Variants in LHFPL2 observed in about 807,000 individuals in gnomAD.
LHFPL2 encodes LHFPL tetraspan subfamily member 2.
In LHFPL2, 7 loss-of-function variants were observed where a neutral mutation model predicts 17.5. That is an observed-to-expected ratio of 0.40 (90% CI 0.23 to 0.75). The LOEUF is 0.75. Ranked by LOEUF, LHFPL2 falls within the 30% of genes least tolerant of loss-of-function variation. The pLI is 0.37. For missense variants in LHFPL2, 241 were observed against 294.8 expected (o/e 0.82, Z 1.34); for synonymous variants, 134 against 116.2 (o/e 1.15, Z -0.99).
At chr5:78,519,777 C>T (rs1268962546) in intron 3 of LHFPL2, among the ~76,000 whole-genome samples, 2 of 152,270 alleles carry the variant, frequency 1.3e-5, no homozygotes, top group Non-Finnish European at 2.9e-5. Context: ...CTTGACCCGG[C>T]ATAAATGCGA....
chr5:78,607,708 A>AC (rs1279960156), intron 2 of LHFPL2, among the ~76,000 whole-genome samples: 3 of 152,218 alleles, frequency 2.0e-5, no homozygotes, highest in Admixed American at 1.3e-4. Flanking sequence ...AGAAGGCTTT[A>AC]CCTGATAAGA....
At position 78,596,683 on chromosome 5, in the gene LHFPL2, T is replaced by TCC. The variant is rs556153594; in HGVS notation, c.-244-31814_-244-31813dup. Among the ~76,000 whole-genome samples the TCC allele has an allele frequency of 3.3e-3, 509 of 152,130 alleles. 4 individuals are homozygous for TCC. Among genetic ancestry groups the TCC allele is most frequent in the African/African-American group, 0.012 (495 of 41,500 alleles). On this transcript the variant is annotated intron_variant, in intron 2 of 4. Coordinates refer to ENST00000380345, the MANE Select transcript of LHFPL2 (RefSeq NM_005779.3). ...TGAATTATCCAAAAGTCAGGACACC[T>TCC]CCCCGCCATGGTCCCAGAACCCAGC...
chr5:78,579,010 C>T (rs1580824545), intron 2 of LHFPL2, among the ~76,000 whole-genome samples: 1 of 152,130 alleles, frequency 6.6e-6, no homozygotes, highest in South Asian at 2.1e-4. Flanking sequence ...TTGAGGTAGG[C>T]CCTTCTGGGG....
At chr5:78,574,380 C>G (rs1757076339) in intron 2 of LHFPL2, among the ~76,000 whole-genome samples, 1 of 152,190 alleles carries the variant, frequency 6.6e-6, no homozygotes, top group Non-Finnish European at 1.5e-5. Context: ...TCCCTGTGAC[C>G]CATGGCACAC....
chr5:78,637,310 G>T lies in LHFPL2; in HGVS notation c.-349-4942C>A, dbSNP rs557232730. Among the ~76,000 whole-genome samples, 50 of 151,894 alleles carry T rather than the reference G, an allele frequency of 3.3e-4. No individual in the cohort carries two copies. In the South Asian group the frequency reaches 3.5e-3, roughly 11 times the overall value. ...GTGGGAAAATGCAGGTTTAATGGAA[G>T]GAAGTTAGAGCCTTCCTAATCTAGT... On this transcript the variant is annotated intron_variant, in intron 1 of 4. Coordinates refer to ENST00000380345, the MANE Select transcript of LHFPL2 (RefSeq NM_005779.3).
intron 4 of LHFPL2, among the ~76,000 whole-genome samples, chr5:78,501,832 G>A (rs1403767585): frequency 6.6e-6 from 1 of 152,158 alleles, no homozygotes. Flanking sequence ...AAGTCAAAGG[G>A]TTTCCTGGCA....
intron 4 of LHFPL2, among the ~76,000 whole-genome samples, chr5:78,500,511 T>C (rs191139262): frequency 3.4e-4 from 52 of 152,266 alleles, no homozygotes; most frequent in Admixed American, 1.5e-3. Flanking sequence ...GCAAGATCTC[T>C]TCCTTCCACC....
At chr5:78,628,531 G>GAGA (rs1276888501) in intron 2 of LHFPL2, among the ~76,000 whole-genome samples, 1 of 152,184 alleles carries the variant, frequency 6.6e-6, no homozygotes, top group Non-Finnish European at 1.5e-5. Context: ...CCGCTCAAAG[G>GAGA]AGCAGCAGCC....
intron 4 of LHFPL2, among the ~76,000 whole-genome samples, chr5:78,498,440 C>G (rs925111695): frequency 6.6e-6 from 1 of 152,172 alleles, no homozygotes; most frequent in Non-Finnish European, 1.5e-5. Context: ...AGTCATCTTC[C>G]ATGCTGATAG....
At chr5:78,593,411 C>T (rs753207738) in intron 2 of LHFPL2, among the ~76,000 whole-genome samples, 2 of 152,122 alleles carry the variant, frequency 1.3e-5, no homozygotes, top group African/African-American at 4.8e-5. Flanking sequence ...AGCCTGGGGA[C>T]TTAAAGGCCC....
intron 2 of LHFPL2, among the ~76,000 whole-genome samples, chr5:78,582,977 G>C (rs978342246): frequency 1.4e-4 from 22 of 152,084 alleles, no homozygotes; most frequent in African/African-American, 5.3e-4. Flanking sequence ...CTCCTGTATT[G>C]GGTGCATATA....
intron 2 of LHFPL2, among the ~76,000 whole-genome samples, chr5:78,622,127 T>C (rs1744876714): frequency 6.6e-6 from 1 of 152,164 alleles, no homozygotes; most frequent in Non-Finnish European, 1.5e-5. Context: ...CTGTCTGCTA[T>C]GGAGAAGAGC....
At chr5:78,624,564 G>A (rs1292740426) in intron 2 of LHFPL2, among the ~76,000 whole-genome samples, 4 of 152,188 alleles carry the variant, frequency 2.6e-5, no homozygotes, top group Non-Finnish European at 2.9e-5. Context: ...TAAAGTCTCC[G>A]CAGATCAGAG....
chr5:78,584,016 A>G (rs931439519), intron 2 of LHFPL2, among the ~76,000 whole-genome samples: 5 of 151,670 alleles, frequency 3.3e-5, no homozygotes, highest in Non-Finnish European at 7.4e-5. Context: ...TTCCCTTCTC[A>G]CTTCATTTCA....
intron 2 of LHFPL2, among the ~76,000 whole-genome samples, chr5:78,593,365 AC>A (rs1743712920): frequency 6.6e-6 from 1 of 152,148 alleles, no homozygotes; most frequent in Admixed American, 6.5e-5. Context: ...ATCCCTGGTG[AC>A]ATCTTTCCAC....
chr5:78,599,992 A>G (rs1743957165), intron 2 of LHFPL2, among the ~76,000 whole-genome samples: 1 of 152,132 alleles, frequency 6.6e-6, no homozygotes, highest in Non-Finnish European at 1.5e-5. Flanking sequence ...ACTTTATAGC[A>G]ACTAACCTCT....
chr5:78,626,114 G>C (rs1330450747), intron 2 of LHFPL2: 4 of 152,190 alleles, frequency 2.6e-5, no homozygotes, highest in Admixed American at 2.6e-4. Context: ...AGGCCCACTG[G>C]CATGCACATC....
chr5:78,510,184 C>T lies in LHFPL2; in HGVS notation c.30G>A (p.Ser10=), dbSNP rs770270090. 6.2e-7 allele frequency: 1 copy of T among 1,601,922 alleles called. No individual in the cohort carries two copies. The highest frequency in any genetic ancestry group is 2.2e-5 in the East Asian group (1 of 44,588). Residue 10 remains serine, a synonymous_variant, in exon 4 of 5, where the codon TCG becomes TCA. Transcript: ENST00000380345. MCHVIVTCR[S]MLWTLLSIVV... is the part of the protein sequence containing the mutation. Reference sequence around the variant, plus strand: ...CAATACTCAGCAAGGTCCAGAGCATCGAGCGACAGGTGACAATGACATGAC... The same window carrying T: ...CAATACTCAGCAAGGTCCAGAGCATTGAGCGACAGGTGACAATGACATGAC...
At chr5:78,544,540 G>A (rs1756210745) in intron 3 of LHFPL2, among the ~76,000 whole-genome samples, 1 of 152,144 alleles carries the variant, frequency 6.6e-6, no homozygotes, top group Admixed American at 6.5e-5. Context: ...AACTTTAGCT[G>A]GGAAAACCTC....
Sources: allele counts gnomAD v4.1 joint callset (sites outside exome capture counted in the v4.1 genomes callset), GRCh38; gene constraint gnomAD v4.1.1; transcripts MANE v1.5; gene names NCBI Gene and HGNC (gene_info 2026-07-23, HGNC 2026-07-21).